Variants in REC114 observed in about 807,000 individuals in gnomAD.
The protein encoded by REC114 is meiotic recombination protein REC114.
REC114 carries 27 observed loss-of-function variants against 31.3 expected under a neutral mutation model. The observed-to-expected ratio is 0.86, with a 90% CI of 0.64 to 1.19. The LOEUF (loss-of-function observed/expected upper bound fraction) is 1.19. Among genes scored for constraint, REC114 ranks in the 50% most tolerant of loss-of-function variants. REC114 has a pLI of 0.00. For synonymous variants in REC114, 134 were observed against 127.7 expected, an observed-to-expected ratio of 1.05 and a Z score of -0.33; for missense variants, 344 against 326.9, an observed-to-expected ratio of 1.05 and a Z score of -0.40.
intron 2 of REC114, among the ~76,000 whole-genome samples, chr15:73,481,379 G>T (rs887673341): frequency 6.6e-6 from 1 of 152,024 alleles, no homozygotes; most frequent in Non-Finnish European, 1.5e-5. Flanking sequence ...TATAGCACCT[G>T]CATTCAACTG....
chr15:73,539,944 G>GC (rs1192742925), intron 2 of REC114, among the ~76,000 whole-genome samples: 1 of 152,096 alleles, frequency 6.6e-6, no homozygotes, highest in Non-Finnish European at 1.5e-5. Flanking sequence ...AGACTTGTGT[G>GC]CCCTCTACTG....
In REC114 at chr15:73,550,957, G is replaced by A. The variant is rs773823371; in HGVS notation, c.353G>A (p.Arg118Gln). 1.8e-5 allele frequency: 29 copies of A among 1,613,804 alleles called. No individual in the cohort carries two copies. Among genetic ancestry groups the A allele is most frequent in the Non-Finnish European group, 2.3e-5 (27 of 1,179,812 alleles). The change falls in exon 4 of 6, where the codon CGA becomes CAA. Residue 118 changes from arginine to glutamine, a missense_variant. Arg to Gln is a conservative substitution (Grantham distance 43). Transcript: ENST00000331090. ...AAACAGGACAAGAGTCGCCTGTTTC[G>A]AGTACAGTTCAGTGGAGAGTCAAAG... ...TTIKDKSRLF[R>Q]VQFSGESKEQ...
chr15:73,508,595 T>G, intron 2 of REC114, among the ~76,000 whole-genome samples: 1 of 70,994 alleles, frequency 1.4e-5, no homozygotes, highest in African/African-American at 5.6e-5. Flanking sequence ...CCCTCCCCCC[T>G]CCCCCCACCC....
At chr15:73,527,696 G>A (rs1384170903) in intron 2 of REC114, among the ~76,000 whole-genome samples, 4 of 152,106 alleles carry the variant, frequency 2.6e-5, no homozygotes, top group African/African-American at 9.7e-5. Context: ...TGACATCACA[G>A]CTTTTGTATT....
At chr15:73,521,377 A>G (rs989044603) in intron 2 of REC114, among the ~76,000 whole-genome samples, 1 of 152,236 alleles carries the variant, frequency 6.6e-6, no homozygotes, top group African/African-American at 2.4e-5. Flanking sequence ...GAAATTCTGT[A>G]GTTGTACAAG....
chr15:73,510,637 G>C (rs1281530122), intron 2 of REC114, among the ~76,000 whole-genome samples: 22 of 147,338 alleles, frequency 1.5e-4, no homozygotes, highest in African/African-American at 4.0e-4. Context: ...AATTTATTGA[G>C]AGTTTTTAGC....
At position 73,500,728 on chromosome 15, in the gene REC114, G is replaced by GTT. The variant is rs58043618; in HGVS notation, c.249+26824_249+26825dup. 6.1e-3 allele frequency among the ~76,000 whole-genome samples: 634 copies of GTT among 103,704 alleles called. 6 individuals carry two copies. Among genetic ancestry groups the GTT allele is most frequent in the African/African-American group, 0.019 (570 of 30,210 alleles). The allele number at this position is 103,704 out of a possible 152,430, so 68.0% of individuals were successfully genotyped here. On this transcript the variant is annotated intron_variant, in intron 2 of 5. Transcript: ENST00000331090. ...TTAAAGCCTGTTCTCTTCAATTATT[G>GTT]TTTTTTTTTTTTTTTTTTCACTGCT...
At chr15:73,478,769 G>T (rs956161716) in intron 2 of REC114, among the ~76,000 whole-genome samples, 10 of 152,054 alleles carry the variant, frequency 6.6e-5, no homozygotes, top group African/African-American at 2.4e-4. Flanking sequence ...TACAGGTCTT[G>T]CACATACTTT....
At position 73,495,790 on chromosome 15, in the gene REC114, ATCT is replaced by A. The variant is rs550396590; in HGVS notation, c.249+21874_249+21876del. 3.5e-3 allele frequency among the ~76,000 whole-genome samples: 540 copies of A among 152,246 alleles called. 2 individuals carry two copies. The highest frequency in any genetic ancestry group is 0.012 in the African/African-American group (498 of 41,548). On this transcript the variant is annotated intron_variant, in intron 2 of 5. Transcript: ENST00000331090. ...TACTTGGATTCCTTTAAAATAGTAA[ATCT>A]TCTTATTGTTGGAGAAAAATTGTTA...
intron 1 of REC114, among the ~76,000 whole-genome samples, chr15:73,445,517 A>G (rs1183011293): frequency 6.6e-6 from 1 of 152,094 alleles, no homozygotes. Context: ...CTAGCTTTTG[A>G]CCTATTTTGG....
chr15:73,447,175 C>A (rs1205942855), intron 1 of REC114, among the ~76,000 whole-genome samples: 1 of 152,026 alleles, frequency 6.6e-6, no homozygotes, highest in African/African-American at 2.4e-5. Flanking sequence ...TCCAAGATGT[C>A]AGTTTTGGAT....
chr15:73,508,547 A>T (rs1893716409), intron 2 of REC114, among the ~76,000 whole-genome samples: 1 of 142,540 alleles, frequency 7.0e-6, no homozygotes, highest in Admixed American at 7.0e-5. Context: ...GCACCCACTA[A>T]CTCGTCATCT....
Position 73,551,009 on chromosome 15 carries a change from T to A in REC114, c.405T>A (p.Ser135Arg), listed in dbSNP as rs1894382276. The change falls in exon 4 of 6, where the codon AGT becomes AGA. Residue 135 changes from serine (S) to arginine (R), a missense_variant. Physicochemically the swap from Ser to Arg is moderately radical, Grantham distance 110. Coordinates refer to ENST00000331090, the MANE Select transcript of REC114 (RefSeq NM_001042367.2). ...AGCAGGCGCTGGAACACTGCTGCAG[T>A]TGTGTTCAGAAGCTGGCACAATACA... Reference protein sequence around the residue: ...SKEQALEHCCSCVQKLAQYIT... With the variant: ...SKEQALEHCCRCVQKLAQYIT... 3 of 1,613,788 alleles carry A rather than the reference T, an allele frequency of 1.9e-6. No individual in the cohort carries two copies. Among genetic ancestry groups the A allele is most frequent in the Non-Finnish European group, 2.5e-6 (3 of 1,179,818 alleles).
At chr15:73,522,345 T>G (rs1235704587) in intron 2 of REC114, among the ~76,000 whole-genome samples, 1 of 152,196 alleles carries the variant, frequency 6.6e-6, no homozygotes, top group African/African-American at 2.4e-5. Flanking sequence ...TCCCCCTTTT[T>G]CCATCTTTAT....
chr15:73,479,124 T>C (rs1256473066), intron 2 of REC114, among the ~76,000 whole-genome samples: 1 of 151,898 alleles, frequency 6.6e-6, no homozygotes. Context: ...TTGATGTCCT[T>C]GCCTTGTTTC....
At chr15:73,514,044 C>G (rs1005245679) in intron 2 of REC114, among the ~76,000 whole-genome samples, 2 of 152,164 alleles carry the variant, frequency 1.3e-5, no homozygotes, top group Admixed American at 1.3e-4. Context: ...CTCCCCCAGC[C>G]TCGCTGCTGC....
intron 1 of REC114, among the ~76,000 whole-genome samples, chr15:73,447,355 G>A (rs1266065227): frequency 6.6e-6 from 1 of 152,150 alleles, no homozygotes; most frequent in African/African-American, 2.4e-5. Context: ...TCGGGACCAA[G>A]CTTAAACGTA....
At chr15:73,458,744 G>A (rs576088470) in intron 1 of REC114, among the ~76,000 whole-genome samples, 1 of 152,282 alleles carries the variant, frequency 6.6e-6, no homozygotes, top group East Asian at 1.9e-4. Context: ...TGTCTCTTAA[G>A]GAAGTTTCCT....
chr15:73,513,762 TC>T (rs1216805538), intron 2 of REC114, among the ~76,000 whole-genome samples: 1 of 149,916 alleles, frequency 6.7e-6, no homozygotes, highest in African/African-American at 2.5e-5. Context: ...TGCTCGGGGG[TC>T]AGGGGTCAGG....
Sources: gnomAD v4.1 joint callset for allele counts (sites outside exome capture counted in the v4.1 genomes callset) on GRCh38, gnomAD v4.1.1 for gene constraint, MANE v1.5 for transcripts, NCBI Gene and HGNC (gene_info 2026-07-23, HGNC 2026-07-21) for gene names.